The following ARID4A variants were observed in gnomAD, a reference collection of about 807,000 sequenced individuals.
The protein encoded by ARID4A is AT-rich interactive domain-containing protein 4A.
Under a neutral mutation model 148.6 loss-of-function variants are expected in ARID4A, and 39 were observed. The observed-to-expected ratio is 0.26, with a 90% CI of 0.20 to 0.34. The LOEUF is 0.34. Among genes scored for constraint, ARID4A ranks in the 10% least tolerant of loss-of-function variants. The pLI, the probability that ARID4A is intolerant of heterozygous loss-of-function variation, is 1.00. For synonymous variants in ARID4A, 475 were observed against 481.2 expected, an observed-to-expected ratio of 0.99 and a Z score of 0.17; for missense variants, 1,265 against 1,449.1, an observed-to-expected ratio of 0.87 and a Z score of 2.06.
intron 9 of ARID4A, among the ~76,000 whole-genome samples, 159 bp downstream of exon 9, chr14:58,328,475 G>C (rs994022707): frequency 6.6e-6 from 1 of 151,790 alleles, no homozygotes; most frequent in Non-Finnish European, 1.5e-5. Context: ...GTAATGTAGG[G>C]TATTTTTCAC....
At chr14:58,346,181 TAA>T (rs2034355297) in intron 12 of ARID4A, among the ~76,000 whole-genome samples, 1 of 149,350 alleles carries the variant, frequency 6.7e-6, no homozygotes, top group African/African-American at 2.4e-5. Flanking sequence ...GCTATATAAA[TAA>T]GAGAGAATTA....
Position 58,372,428 on chromosome 14 carries a change from G to A in ARID4A, c.*439G>A, listed in dbSNP as rs1281535596. 1 of 231,866 alleles carries A rather than the reference G, an allele frequency of 4.3e-6. No homozygotes were observed. Among genetic ancestry groups the A allele is most frequent in the Non-Finnish European group, 8.5e-6 (1 of 117,562 alleles). 14.4% of individuals were successfully genotyped at this position (231,866 alleles called of 1,614,324 possible). A position where few individuals can be genotyped will look rare whatever the true frequency, so the allele number is the denominator to read the frequency against. On this transcript the variant is annotated 3_prime_UTR_variant, in exon 24 of 24. Coordinates refer to ENST00000355431, the MANE Select transcript of ARID4A (RefSeq NM_002892.4). The stretch of plus-strand genomic sequence containing the variant: ...ACTTGGTGAGTAGGGGGTTTATGTT[G>A]TGTTTTTTTTCATTATCGTTTTTTT...
At chr14:58,364,085 ATTG>A (rs2035247151) in intron 19 of ARID4A, 82 bp from the exon 20 acceptor site, 1 of 709,798 alleles carries the variant, frequency 1.4e-6, no homozygotes, top group Non-Finnish European at 2.0e-6. Flanking sequence ...AAAGATTTTT[ATTG>A]TTATTTTTGG....
chr14:58,365,483 T>C, intron 20 of ARID4A, 35 bp from the exon 21 acceptor site: 1 of 1,244,862 alleles, frequency 8.0e-7, no homozygotes. Context: ...TTTTTTTTTT[T>C]TTTTTTCAAC....
intron 7 of ARID4A, among the ~76,000 whole-genome samples, chr14:58,322,933 A>G (rs2032983962): frequency 7.7e-6 from 1 of 130,316 alleles, no homozygotes. Flanking sequence ...ACTGAACTCC[A>G]GCCTGGGTGA....
intron 15 of ARID4A, among the ~76,000 whole-genome samples, chr14:58,350,100 T>TAAAAA (rs758927898): frequency 1.2e-4 from 10 of 83,804 alleles, no homozygotes; most frequent in African/African-American, 1.9e-4. Context: ...GACTCTGTCT[T>TAAAAA]AAAAAAAAAA....
At position 58,333,048 on chromosome 14, in the gene ARID4A, C is replaced by T. The variant is rs537154267; in HGVS notation, c.906+2879C>T. Among the ~76,000 whole-genome samples, 68 of 152,170 alleles carry T rather than the reference C, an allele frequency of 4.5e-4. No individual in the cohort carries two copies. The South Asian group carries it at 0.014, about 32-fold the overall frequency. The stretch of plus-strand genomic sequence containing the variant: ...GACTTTACATGAAAGAGCACCTTTT[C>T]CACTTAATATTAATTTGAATTCCTA... On this transcript the variant is annotated intron_variant, in intron 11 of 23. Coordinates refer to ENST00000355431, the MANE Select transcript of ARID4A (RefSeq NM_002892.4).
At chr14:58,331,798 GTATT>G (rs1005505045) in intron 11 of ARID4A, among the ~76,000 whole-genome samples, 3 of 152,078 alleles carry the variant, frequency 2.0e-5, no homozygotes, top group African/African-American at 7.2e-5. Context: ...TATTTTATCT[GTATT>G]TATTTATAGA....
At chr14:58,310,065 G>A (rs918826849) in intron 5 of ARID4A, among the ~76,000 whole-genome samples, 3 of 152,026 alleles carry the variant, frequency 2.0e-5, no homozygotes, top group Admixed American at 2.0e-4. Flanking sequence ...AAGAAATAAA[G>A]TAGTAAACAA....
At chr14:58,367,206 A>T (rs2035394915) in intron 23 of ARID4A, among the ~76,000 whole-genome samples, 177 bp downstream of exon 23, 1 of 152,232 alleles carries the variant, frequency 6.6e-6, no homozygotes, top group African/African-American at 2.4e-5. Flanking sequence ...TCAGAATGAC[A>T]CCCTTAAAAG....
chr14:58,360,967 C>T lies in ARID4A; in HGVS notation c.2005C>T (p.Pro669Ser). 6.2e-7 allele frequency: 1 copy of T among 1,614,060 alleles called. No individual in the cohort carries two copies. Among genetic ancestry groups the T allele is most frequent in the Non-Finnish European group, 8.5e-7 (1 of 1,180,000 alleles). Residue 669 changes from proline to serine, a missense_variant, in exon 19 of 24, where the codon CCT (proline) becomes TCT (serine). Pro to Ser is a moderately conservative substitution (Grantham distance 74). This residue lies in a region of ARID4A where 666 missense variants were observed against 730.9 expected (regional missense o/e 0.91). Coordinates refer to ENST00000355431, the MANE Select transcript of ARID4A (RefSeq NM_002892.4). ...EERQKSKRGR[P>S]PLKSTLSSNM... ...GAGGCAGAAGTCAAAACGGGGACGACCTCCTTTAAAATCAACCCTCTCATC... is the reference window on the plus strand; with the variant it reads ...GAGGCAGAAGTCAAAACGGGGACGATCTCCTTTAAAATCAACCCTCTCATC...
At position 58,365,242 on chromosome 14, in the gene ARID4A, T is replaced by C; in HGVS notation, c.3153T>C (p.Thr1051=). Residue 1051 remains threonine, a synonymous_variant, in exon 20 of 24, where the codon ACT becomes ACC. Transcript: ENST00000355431. The stretch of plus-strand genomic sequence containing the variant: ...GGGAATCGGCAAATGGATTTGAAAC[T>C]AATGTTGCCTCTGGTACCTGTAGTA... ...CERESANGFE[T]NVASGTCSII... The C allele has an allele frequency of 6.2e-7, 1 of 1,614,086 alleles. No individual in the cohort carries two copies. The highest frequency in any genetic ancestry group is 8.5e-7 in the Non-Finnish European group (1 of 1,179,982).
chr14:58,318,903 C>T, intron 7 of ARID4A, 98 bp downstream of exon 7: 2 of 923,946 alleles, frequency 2.2e-6, no homozygotes, highest in Non-Finnish European at 1.7e-6. Flanking sequence ...GGTAAGCTTT[C>T]CATAGCATAT....
Position 58,330,857 on chromosome 14 carries a change from A to G in ARID4A, c.906+688A>G, listed in dbSNP as rs569901805. ...GAAATCATCCATGGAGTACTTCATG[A>G]TTGCTTATATGAATACTGTTGTTTA... On this transcript the variant is annotated intron_variant, in intron 11 of 23. Coordinates refer to ENST00000355431, the MANE Select transcript of ARID4A (RefSeq NM_002892.4). Among the ~76,000 whole-genome samples, 18 of 152,288 alleles carry G rather than the reference A, an allele frequency of 1.2e-4. No homozygotes were observed. In the East Asian group the frequency reaches 3.5e-3, roughly 29 times the overall value.
chr14:58,319,762 C>G (rs1034731904), intron 7 of ARID4A, among the ~76,000 whole-genome samples: 1 of 150,620 alleles, frequency 6.6e-6, no homozygotes, highest in Admixed American at 6.6e-5. Context: ...AAATGGGTTT[C>G]GAACTCCTGA....
chr14:58,330,263 A>C (rs938026007), intron 11 of ARID4A, 94 bp downstream of exon 11: 32 of 1,484,016 alleles, frequency 2.2e-5, no homozygotes, highest in African/African-American at 2.0e-4. Flanking sequence ...TAGATTCTCT[A>C]TTATTTGTTT....
Position 58,351,278 on chromosome 14 carries a change from A to T in ARID4A, c.1610A>T (p.Asp537Val). The T allele has an allele frequency of 6.2e-7, 1 of 1,610,256 alleles. No individual in the cohort carries two copies. The highest frequency in any genetic ancestry group is 1.7e-5 in the Admixed American group (1 of 59,070). ...QKEKKIKKQEDSDKDSDEEEE... is the reference protein window; with the variant it reads ...QKEKKIKKQEVSDKDSDEEEE... ...GAGAAGAAAATTAAAAAACAGGAGG[A>T]TTCTGACAAAGACTCAGATGAAGAG... The change falls in exon 16 of 24, where the codon GAT (aspartate) becomes GTT (valine). Residue 537 changes from aspartate to valine, a missense_variant. Asp to Val is a radical substitution (Grantham distance 152, BLOSUM62 -3). Coordinates refer to ENST00000355431, the MANE Select transcript of ARID4A (RefSeq NM_002892.4).
chr14:58,360,978 A>G lies in ARID4A; in HGVS notation c.2016A>G (p.Lys672=). The G allele has an allele frequency of 1.9e-6, 3 of 1,614,178 alleles. No homozygotes were observed. The highest frequency in any genetic ancestry group is 2.5e-6 in the Non-Finnish European group (3 of 1,180,030). ...QKSKRGRPPL[K]STLSSNMPYG... is the part of the protein sequence containing the mutation. Reference sequence around the variant, plus strand: ...CAAAACGGGGACGACCTCCTTTAAAATCAACCCTCTCATCAAACATGCCGT... The same window carrying G: ...CAAAACGGGGACGACCTCCTTTAAAGTCAACCCTCTCATCAAACATGCCGT... Residue 672 remains lysine, a synonymous_variant, in exon 19 of 24, where the codon AAA becomes AAG. Coordinates refer to ENST00000355431, the MANE Select transcript of ARID4A (RefSeq NM_002892.4).
chr14:58,326,257 G>A (rs537608567), intron 8 of ARID4A, among the ~76,000 whole-genome samples: 5 of 152,280 alleles, frequency 3.3e-5, no homozygotes, highest in Admixed American at 2.0e-4. Context: ...CTAACATGGT[G>A]AAACCCTGTC....
Sources: gnomAD v4.1 joint callset for allele counts (sites outside exome capture counted in the v4.1 genomes callset) on GRCh38, gnomAD v4.1.1 for gene constraint, gnomAD v4.1.1 regional missense constraint, MANE v1.5 for transcripts, NCBI Gene and HGNC (gene_info 2026-07-23, HGNC 2026-07-21) for gene names.